Variants in CACNA2D3 observed in about 807,000 individuals in gnomAD.
CACNA2D3 encodes calcium voltage-gated channel auxiliary subunit alpha2delta 3, also known as voltage-dependent calcium channel subunit alpha-2/delta-3.
In CACNA2D3, 60 loss-of-function variants were observed where a neutral mutation model predicts 160.6. That is an observed-to-expected ratio of 0.37 (90% confidence interval 0.30 to 0.46). The LOEUF is 0.46. CACNA2D3 is among the 20% of genes least tolerant of loss of function. The pLI is 1.00. For synonymous variants in CACNA2D3, 558 were observed against 492.9 expected (o/e 1.13, Z -1.75); for missense variants, 1,205 against 1,365.0 (o/e 0.88, Z 1.85).
rs2106948142 is a variant in CACNA2D3 at position 54,927,836 on chromosome 3, A to G, written c.2449+27968A>G. On this transcript the variant is annotated intron_variant, in intron 27 of 37. Coordinates refer to ENST00000474759, the MANE Select transcript of CACNA2D3 (RefSeq NM_018398.3). ...ACTTGAAAATAGATTTCCCGCAGAT[A>G]CCTTTGTGAGGGGATACCATCTTTC... 3.9e-6 allele frequency: 6 copies of G among 1,523,852 alleles called. No homozygotes were observed. The South Asian group carries it at 6.7e-5, about 17-fold the overall frequency. The allele number at this position is 1,523,852 out of a possible 1,614,324, so 94.4% of individuals were successfully genotyped here. A position where few individuals can be genotyped will look rare whatever the true frequency, so the allele number is the denominator to read the frequency against.
intron 2 of CACNA2D3, among the ~76,000 whole-genome samples, chr3:54,157,472 C>T (rs1043535898): frequency 3.9e-5 from 6 of 152,108 alleles, no homozygotes; most frequent in Non-Finnish European, 8.8e-5. Context: ...AGTCAAACAA[C>T]GATGTGACTT....
intron 11 of CACNA2D3, among the ~76,000 whole-genome samples, chr3:54,681,075 T>C (rs984626227): frequency 6.6e-6 from 1 of 152,058 alleles, no homozygotes; most frequent in Non-Finnish European, 1.5e-5. Context: ...GATGGCTATA[T>C]GGAGTTCCCA....
chr3:54,868,203 T>G lies in CACNA2D3; in HGVS notation c.1627-3336T>G, dbSNP rs1173626688. Among the ~76,000 whole-genome samples, 11 of 152,322 alleles carry G rather than the reference T, an allele frequency of 7.2e-5. No individual in the cohort carries two copies. In the East Asian group the frequency reaches 1.9e-3, roughly 27 times the overall value. ...CTGACTTTTCCTTTTCTCACTCAAA[T>G]TAATCACTCTGCTGCATGACTGTTT... On this transcript the variant is annotated intron_variant, in intron 17 of 37. Coordinates refer to ENST00000474759, the MANE Select transcript of CACNA2D3 (RefSeq NM_018398.3).
At chr3:55,053,995 T>C (rs554544406) in intron 35 of CACNA2D3, among the ~76,000 whole-genome samples, 1 of 152,082 alleles carries the variant, frequency 6.6e-6, no homozygotes, top group African/African-American at 2.4e-5. Context: ...GTCTTTTATA[T>C]TGACTATTTT....
chr3:54,587,285 G>A (rs946819820), intron 9 of CACNA2D3, among the ~76,000 whole-genome samples: 1 of 152,064 alleles, frequency 6.6e-6, no homozygotes, highest in Non-Finnish European at 1.5e-5. Flanking sequence ...GGGCAGGCGC[G>A]GTGGCTCAAG....
chr3:54,533,045 G>A (rs562149287), intron 5 of CACNA2D3, among the ~76,000 whole-genome samples: 1 of 152,222 alleles, frequency 6.6e-6, no homozygotes, highest in South Asian at 2.1e-4. Flanking sequence ...TTTCTCTCAT[G>A]ATTAGTGGCC....
intron 2 of CACNA2D3, among the ~76,000 whole-genome samples, chr3:54,177,527 A>G (rs564688483): frequency 9.2e-5 from 14 of 152,284 alleles, no homozygotes; most frequent in Middle Eastern, 3.4e-3. Context: ...TTGGAAGACT[A>G]TTGGCTTTGG....
intron 11 of CACNA2D3, among the ~76,000 whole-genome samples, chr3:54,725,550 A>G (rs544590610): frequency 2.0e-4 from 31 of 152,356 alleles, no homozygotes; most frequent in Admixed American, 5.2e-4. Context: ...CAGCATATCA[A>G]AAAGCTTATC....
intron 4 of CACNA2D3, among the ~76,000 whole-genome samples, chr3:54,417,815 T>A (rs1456781131): frequency 7.6e-6 from 1 of 131,080 alleles, no homozygotes; most frequent in African/African-American, 2.9e-5. Flanking sequence ...GGTGGGGGGG[T>A]TACTCCTGTC....
At chr3:54,704,718 T>G (rs1700825767) in intron 11 of CACNA2D3, among the ~76,000 whole-genome samples, 1 of 152,138 alleles carries the variant, frequency 6.6e-6, no homozygotes, top group South Asian at 2.1e-4. Flanking sequence ...CATGAGGCAG[T>G]GTCACAGATG....
rs1702199602 is a variant in CACNA2D3, at chr3:54,553,931, A to G, written c.545-8869A>G. On this transcript the variant is annotated intron_variant, in intron 5 of 37. Coordinates refer to ENST00000474759, the MANE Select transcript of CACNA2D3 (RefSeq NM_018398.3). Reference sequence around the variant, plus strand: ...GCATGATGGACCTTGGCATGGGTGGAATACAGATTATGTCTGCTACAAAAT... The same window carrying G: ...GCATGATGGACCTTGGCATGGGTGGGATACAGATTATGTCTGCTACAAAAT... Among the ~76,000 whole-genome samples, 4 of 152,210 alleles carry G rather than the reference A, an allele frequency of 2.6e-5. No individual in the cohort carries two copies. The South Asian group carries it at 8.3e-4, about 32-fold the overall frequency.
At chr3:54,242,548 A>G (rs991314983) in intron 2 of CACNA2D3, among the ~76,000 whole-genome samples, 3 of 152,186 alleles carry the variant, frequency 2.0e-5, no homozygotes, top group Non-Finnish European at 4.4e-5. Flanking sequence ...TTATGAAATA[A>G]AATAAGGGTT....
At chr3:54,415,076 A>G (rs957102403) in intron 4 of CACNA2D3, among the ~76,000 whole-genome samples, 1 of 152,128 alleles carries the variant, frequency 6.6e-6, no homozygotes, top group Non-Finnish European at 1.5e-5. Flanking sequence ...ATCCGAAATT[A>G]TGCTAGACAA....
intron 4 of CACNA2D3, among the ~76,000 whole-genome samples, chr3:54,496,280 GA>G (rs1371540886): frequency 6.6e-6 from 1 of 152,166 alleles, no homozygotes; most frequent in Non-Finnish European, 1.5e-5. Context: ...CAATATATGA[GA>G]TATTTGATTG....
At chr3:54,252,465 T>C (rs894860019) in intron 2 of CACNA2D3, among the ~76,000 whole-genome samples, 1 of 152,184 alleles carries the variant, frequency 6.6e-6, no homozygotes, top group African/African-American at 2.4e-5. Context: ...CATTCTTTCC[T>C]TTGTTTTAGA....
chr3:55,024,398 C>G (rs1032723439), intron 35 of CACNA2D3, among the ~76,000 whole-genome samples: 5 of 151,894 alleles, frequency 3.3e-5, no homozygotes, highest in Non-Finnish European at 5.9e-5. Context: ...TGGTGTCCCC[C>G]CAAAATCTAC....
intron 27 of CACNA2D3, among the ~76,000 whole-genome samples, chr3:54,917,585 G>A (rs2106919981): frequency 6.6e-6 from 1 of 152,342 alleles, no homozygotes; most frequent in East Asian, 1.9e-4. Flanking sequence ...TGTGCGCTAT[G>A]TATGCAGATA....
intron 4 of CACNA2D3, among the ~76,000 whole-genome samples, chr3:54,475,993 T>G (rs911558477): frequency 7.3e-5 from 11 of 151,440 alleles, no homozygotes; most frequent in Non-Finnish European, 1.3e-4. Flanking sequence ...CATCTCCCCC[T>G]TTTCTCCACT....
intron 4 of CACNA2D3, among the ~76,000 whole-genome samples, chr3:54,481,022 C>T (rs1421236046): frequency 6.6e-6 from 1 of 152,160 alleles, no homozygotes; most frequent in Non-Finnish European, 1.5e-5. Flanking sequence ...TTCTGTATGT[C>T]TTTGTCTCTG....
Sources: gnomAD v4.1 joint callset for allele counts (sites outside exome capture counted in the v4.1 genomes callset) on GRCh38, gnomAD v4.1.1 for gene constraint, MANE v1.5 for transcripts, NCBI Gene and HGNC (gene_info 2026-07-23, HGNC 2026-07-21) for gene names.